The following FBXO16 variants were observed in gnomAD, a reference collection of about 807,000 sequenced individuals.
FBXO16 encodes F-box protein 16, also known as F-box only protein 16.
In FBXO16, 31 loss-of-function variants were observed where a neutral mutation model predicts 41.0. The ratio of observed to expected loss-of-function variants is 0.76; its 90% CI spans 0.57 to 1.02. The LOEUF is 1.02. Ranked by LOEUF, FBXO16 falls within the 50% of genes least tolerant of loss-of-function variation. The pLI, the probability that FBXO16 is intolerant of heterozygous loss-of-function variation, is 0.00. For missense variants in FBXO16, 361 were observed against 346.2 expected, an observed-to-expected ratio of 1.04 and a Z score of -0.34; for synonymous variants, 133 against 117.8, an observed-to-expected ratio of 1.13 and a Z score of -0.84.
chr8:28,454,552 C>T (rs965129659), intron 5 of FBXO16, among the ~76,000 whole-genome samples: 4 of 151,064 alleles, frequency 2.6e-5, no homozygotes, highest in Non-Finnish European at 4.4e-5. Flanking sequence ...CATGGTGAAA[C>T]CCCATCTCTA....
intron 3 of FBXO16, among the ~76,000 whole-genome samples, chr8:28,471,324 T>A (rs1344148391): frequency 6.6e-6 from 1 of 152,190 alleles, no homozygotes; most frequent in Non-Finnish European, 1.5e-5. Context: ...TAATACTAGA[T>A]TAAACTTTAA....
intron 6 of FBXO16, among the ~76,000 whole-genome samples, chr8:28,451,077 G>A (rs17059112): frequency 0.42 from 64,157 of 151,994 alleles, 14,209 homozygotes; most frequent in East Asian, 0.55. Flanking sequence ...ACATTTAAGC[G>A]AGAAAGAGGC....
intron 2 of FBXO16, among the ~76,000 whole-genome samples, chr8:28,479,399 G>A (rs924024844): frequency 2.0e-5 from 3 of 152,068 alleles, no homozygotes; most frequent in Admixed American, 6.5e-5. Context: ...TCTAAAAATC[G>A]AATTGCAAGA....
chr8:28,472,177 A>G (rs1803348771), intron 3 of FBXO16, among the ~76,000 whole-genome samples: 4 of 151,984 alleles, frequency 2.6e-5, no homozygotes, highest in Non-Finnish European at 5.9e-5. Context: ...TATAGCTTTG[A>G]ACTCCTGGGC....
chr8:28,446,102 AT>A (rs1802858139), intron 7 of FBXO16, among the ~76,000 whole-genome samples: 1 of 151,164 alleles, frequency 6.6e-6, no homozygotes, highest in African/African-American at 2.4e-5. Context: ...TAGGTAGTCA[AT>A]TCGCTGTTTT....
At chr8:28,463,540 C>T in intron 4 of FBXO16, 72 bp downstream of exon 4, 1 of 1,497,914 alleles carries the variant, frequency 6.7e-7, no homozygotes, top group Non-Finnish European at 9.2e-7. Flanking sequence ...TTCCCCTTAA[C>T]TTCTAGTTTC....
chr8:28,465,393 C>T (rs1291005421), intron 3 of FBXO16: 1 of 451,024 alleles, frequency 2.2e-6, no homozygotes, highest in Non-Finnish European at 4.5e-6. Context: ...GAGGCAGAGG[C>T]AGGAGAATCT....
intron 7 of FBXO16, among the ~76,000 whole-genome samples, chr8:28,446,609 T>A (rs959882888): frequency 2.0e-5 from 3 of 151,778 alleles, no homozygotes; most frequent in African/African-American, 7.3e-5. Context: ...CGGTGGCTCA[T>A]GCTTGTAATC....
chr8:28,442,391 T>C (rs564868508), intron 7 of FBXO16, among the ~76,000 whole-genome samples: 88 of 151,868 alleles, frequency 5.8e-4, no homozygotes, highest in Non-Finnish European at 1.2e-3. Context: ...CCCATCTTTT[T>C]TCTTCTTTTT....
intron 6 of FBXO16, among the ~76,000 whole-genome samples, chr8:28,451,154 C>T (rs1802946128): frequency 6.6e-6 from 1 of 152,102 alleles, no homozygotes; most frequent in South Asian, 2.1e-4. Context: ...CAAAGGAGCT[C>T]CACCAGGAAA....
chr8:28,473,011 T>C (rs1803362636), intron 3 of FBXO16, among the ~76,000 whole-genome samples: 1 of 152,118 alleles, frequency 6.6e-6, no homozygotes, highest in Non-Finnish European at 1.5e-5. Context: ...TGTGATGTCA[T>C]CTACTTTATT....
At chr8:28,482,296 G>A (rs780954504) in intron 2 of FBXO16, among the ~76,000 whole-genome samples, 9 of 152,232 alleles carry the variant, frequency 5.9e-5, no homozygotes, top group East Asian at 1.9e-4. Flanking sequence ...CTCTCATAGC[G>A]GGGAGGAACT....
At chr8:28,442,223 C>T (rs1485820582) in intron 7 of FBXO16, among the ~76,000 whole-genome samples, 1 of 151,918 alleles carries the variant, frequency 6.6e-6, no homozygotes, top group East Asian at 1.9e-4. Flanking sequence ...CAGGCGTGAG[C>T]CACTGTGCCC....
Position 28,473,815 on chromosome 8 carries a change from A to G in FBXO16, c.100-8T>C, listed in dbSNP as rs1803375083. ...TCTTCTTTCTTCAAATACCTACAGT[A>G]AGTAAAAAAGAATATGGTAATTTCA... On this transcript the variant is annotated splice_region_variant and splice_polypyrimidine_tract_variant and intron_variant, in intron 2 of 8. Coordinates refer to ENST00000380254, the MANE Select transcript of FBXO16 (RefSeq NM_172366.4). 1.3e-6 allele frequency: 2 copies of G among 1,592,176 alleles called. No individual in the cohort carries two copies. The highest frequency in any genetic ancestry group is 1.7e-4 in the Middle Eastern group (1 of 5,990).
chr8:28,463,635 G>A lies in FBXO16; in HGVS notation c.319C>T (p.Arg107Trp), dbSNP rs760052930. The A allele has an allele frequency of 1.2e-5, 19 of 1,613,908 alleles. No homozygotes were observed. Among genetic ancestry groups the A allele is most frequent in the African/African-American group, 6.7e-5 (5 of 74,904 alleles). Reference protein sequence around the residue: ...SLYIFSFLDPRSLCRCAQVCW... With the variant: ...SLYIFSFLDPWSLCRCAQVCW... ...ACCTGTGCACAACGACAAAGGCTCCGAGGGTCCAGGAAAGAAAAGATGTAT... is the reference window on the plus strand; with the variant it reads ...ACCTGTGCACAACGACAAAGGCTCCAAGGGTCCAGGAAAGAAAAGATGTAT... Residue 107 changes from arginine to tryptophan, a missense_variant, in exon 4 of 9, where the codon CGG becomes TGG. Physicochemically the swap from Arg to Trp is moderately radical, Grantham distance 101 (BLOSUM62 -3). Coordinates refer to ENST00000380254, the MANE Select transcript of FBXO16 (RefSeq NM_172366.4).
At chr8:28,487,922 G>C (rs1424379875) in intron 1 of FBXO16, among the ~76,000 whole-genome samples, 1 of 151,012 alleles carries the variant, frequency 6.6e-6, no homozygotes, top group Non-Finnish European at 1.5e-5. Flanking sequence ...GCACAAACTC[G>C]GCTCACCACA....
At chr8:28,473,248 C>T (rs1563368588) in intron 3 of FBXO16, among the ~76,000 whole-genome samples, 1 of 152,154 alleles carries the variant, frequency 6.6e-6, no homozygotes, top group African/African-American at 2.4e-5. Context: ...CTAACTGATA[C>T]CTACAGAAAG....
At chr8:28,455,081 ATTTTTT>A (rs111415524) in intron 5 of FBXO16, among the ~76,000 whole-genome samples, 1 of 144,438 alleles carries the variant, frequency 6.9e-6, no homozygotes, top group Admixed American at 6.9e-5. Context: ...AATTACATTG[ATTTTTT>A]TTTTTTTTGA....
chr8:28,482,317 A>AG (rs988161852), intron 2 of FBXO16, among the ~76,000 whole-genome samples: 5 of 152,106 alleles, frequency 3.3e-5, no homozygotes, highest in Admixed American at 6.6e-5. Flanking sequence ...GGTGTGTAGG[A>AG]GCAAGAGGAT....
Sources: allele counts gnomAD v4.1 joint callset (sites outside exome capture counted in the v4.1 genomes callset), GRCh38; gene constraint gnomAD v4.1.1; transcripts MANE v1.5; gene names NCBI Gene and HGNC (gene_info 2026-07-23, HGNC 2026-07-21).